Variants in ADAMTSL3 observed in about 807,000 individuals in gnomAD.
ADAMTSL3 encodes ADAMTS like 3.
ADAMTSL3 carries 128 observed loss-of-function variants against 201.7 expected under a neutral mutation model. The ratio of observed to expected loss-of-function variants is 0.63; its 90% CI spans 0.55 to 0.73. The LOEUF is 0.73. Ranked by LOEUF, ADAMTSL3 falls within the 30% of genes least tolerant of loss-of-function variation. The probability of loss-of-function intolerance (pLI) is 0.00; values close to 1 mark genes in which losing one functional copy is unlikely to be tolerated. For synonymous variants in ADAMTSL3, 738 were observed against 748.4 expected (o/e 0.99, Z 0.23); for missense variants, 1,990 against 2,119.6 (o/e 0.94, Z 1.20).
intron 5 of ADAMTSL3, among the ~76,000 whole-genome samples, chr15:83,818,243 G>T (rs1324129939): frequency 1.3e-5 from 2 of 152,078 alleles, no homozygotes; most frequent in Non-Finnish European, 2.9e-5. Flanking sequence ...TTGTTGAGTA[G>T]AAACTATTTT....
At position 83,946,799 on chromosome 15, in the gene ADAMTSL3, C is replaced by A. The variant is rs963808865; in HGVS notation, c.2490+3717C>A. On this transcript the variant is annotated intron_variant, in intron 19 of 29. Transcript: ENST00000286744. Reference sequence around the variant, plus strand: ...GTTTGGACTGGAGGCTGTTTAGTTTCATAGGCAACCATTCATCAGGGCAAA... The same window carrying A: ...GTTTGGACTGGAGGCTGTTTAGTTTAATAGGCAACCATTCATCAGGGCAAA... Among the ~76,000 whole-genome samples, 5 of 152,294 alleles carry A rather than the reference C, an allele frequency of 3.3e-5. 1 individual carries two copies.
chr15:83,864,598 T>C lies in ADAMTSL3; in HGVS notation c.802+5758T>C, dbSNP rs577265661. 3.7e-3 allele frequency among the ~76,000 whole-genome samples: 562 copies of C among 152,320 alleles called. 2 individuals carry two copies. The highest frequency in any genetic ancestry group is 0.013 in the African/African-American group (525 of 41,574). On this transcript the variant is annotated intron_variant, in intron 8 of 29. Coordinates refer to ENST00000286744, the MANE Select transcript of ADAMTSL3 (RefSeq NM_207517.3). ...CTAAAAACTCTCAATAAATTAGGTA[T>C]TGATGGAACGTATCTCAAAATAATA... is the stretch of plus-strand genomic sequence containing the variant.
intron 3 of ADAMTSL3, among the ~76,000 whole-genome samples, chr15:83,728,310 AG>A (rs2141596338): frequency 6.7e-6 from 1 of 149,992 alleles, no homozygotes; most frequent in South Asian, 2.1e-4. Flanking sequence ...TTATTCATTT[AG>A]CCACTCTATG....
At chr15:83,890,275 A>T in intron 11 of ADAMTSL3, 28 bp downstream of exon 11, 1 of 1,608,366 alleles carries the variant, frequency 6.2e-7, no homozygotes, top group African/African-American at 1.3e-5. Flanking sequence ...CACCCTTTTT[A>T]CTTCAAAAAG....
At chr15:83,784,268 A>G (rs1361608613) in intron 4 of ADAMTSL3, among the ~76,000 whole-genome samples, 1 of 152,100 alleles carries the variant, frequency 6.6e-6, no homozygotes, top group Non-Finnish European at 1.5e-5. Context: ...AACTGCCCCT[A>G]TGCCACTGAT....
intron 6 of ADAMTSL3, among the ~76,000 whole-genome samples, chr15:83,828,744 T>G (rs1311872277): frequency 2.0e-5 from 3 of 152,198 alleles, no homozygotes; most frequent in African/African-American, 4.8e-5. Flanking sequence ...GAAGGTTGTT[T>G]AATTTTGTCA....
intron 4 of ADAMTSL3, among the ~76,000 whole-genome samples, chr15:83,798,689 C>A (rs2063469528): frequency 6.6e-6 from 1 of 151,826 alleles, no homozygotes; most frequent in African/African-American, 2.4e-5. Context: ...TGCCTGTAAT[C>A]CCAGCTACTC....
chr15:83,891,008 A>G (rs1275914781), intron 11 of ADAMTSL3: 3 of 225,628 alleles, frequency 1.3e-5, no homozygotes, highest in South Asian at 8.1e-5. Context: ...GTGTGTTAAT[A>G]TCACTAATAT....
chr15:83,754,355 G>A (rs776744975), intron 3 of ADAMTSL3, among the ~76,000 whole-genome samples: 4 of 152,036 alleles, frequency 2.6e-5, no homozygotes, highest in South Asian at 2.1e-4. Context: ...AATATTGCTC[G>A]CAGGAATGCC....
chr15:83,920,898 G>A (rs1288363823), intron 16 of ADAMTSL3, among the ~76,000 whole-genome samples: 2 of 152,142 alleles, frequency 1.3e-5, no homozygotes, highest in South Asian at 4.1e-4. Context: ...TTGAGGGGGA[G>A]CATCATGGCT....
chr15:83,867,768 A>G (rs2065006840), intron 8 of ADAMTSL3, among the ~76,000 whole-genome samples: 1 of 152,088 alleles, frequency 6.6e-6, no homozygotes, highest in Non-Finnish European at 1.5e-5. Context: ...ATTTAGGGAG[A>G]CCTCTTGGGG....
intron 2 of ADAMTSL3, among the ~76,000 whole-genome samples, chr15:83,675,705 A>C (rs2061395424): frequency 6.6e-6 from 1 of 150,646 alleles, no homozygotes; most frequent in Admixed American, 6.6e-5. Context: ...TGTTTGGTAT[A>C]ATTCTCCAGT....
intron 16 of ADAMTSL3, among the ~76,000 whole-genome samples, chr15:83,923,333 C>T (rs970774248): frequency 6.6e-6 from 1 of 152,134 alleles, no homozygotes; most frequent in Non-Finnish European, 1.5e-5. Flanking sequence ...ACTTTGTACA[C>T]TTTCCAAATA....
intron 2 of ADAMTSL3, among the ~76,000 whole-genome samples, chr15:83,665,080 G>A (rs193286778): frequency 2.0e-5 from 3 of 152,300 alleles, no homozygotes; most frequent in South Asian, 2.1e-4. Flanking sequence ...TCTTCTAGGC[G>A]GGCAATGATG....
At chr15:83,924,719 A>T (rs2066216390) in intron 17 of ADAMTSL3, among the ~76,000 whole-genome samples, 2 of 152,162 alleles carry the variant, frequency 1.3e-5, no homozygotes, top group South Asian at 4.1e-4. Context: ...ACAGAGGGTG[A>T]TAACTGAACA....
At chr15:83,672,921 G>A (rs994380038) in intron 2 of ADAMTSL3, among the ~76,000 whole-genome samples, 1 of 152,218 alleles carries the variant, frequency 6.6e-6, no homozygotes, top group Non-Finnish European at 1.5e-5. Context: ...TGACCTTGGA[G>A]CTCTCCTTCC....
intron 9 of ADAMTSL3, among the ~76,000 whole-genome samples, chr15:83,881,916 AGCGGAGGTGG>A (rs1437568400): frequency 2.6e-5 from 4 of 151,860 alleles, no homozygotes; most frequent in African/African-American, 9.7e-5. Context: ...CACTTTGGGA[AGCGGAGGTGG>A]GCGGATCATG....
At chr15:83,663,527 T>C (rs1172592152) in intron 2 of ADAMTSL3, among the ~76,000 whole-genome samples, 1 of 152,240 alleles carries the variant, frequency 6.6e-6, no homozygotes, top group Non-Finnish European at 1.5e-5. Flanking sequence ...TACTTGAGTA[T>C]TTCCTTAGAA....
intron 3 of ADAMTSL3, among the ~76,000 whole-genome samples, chr15:83,763,708 T>C (rs568595085): frequency 6.5e-4 from 99 of 152,222 alleles, no homozygotes; most frequent in Non-Finnish European, 8.8e-5. Context: ...GGTTTCACCC[T>C]GTTAGCCAGG....
Sources: gnomAD v4.1 joint callset for allele counts (sites outside exome capture counted in the v4.1 genomes callset) on GRCh38, gnomAD v4.1.1 for gene constraint, MANE v1.5 for transcripts, NCBI Gene and HGNC (gene_info 2026-07-23, HGNC 2026-07-21) for gene names.